The following CMIP variants were observed in gnomAD, a reference collection of about 807,000 sequenced individuals.
CMIP encodes c-Maf inducing protein.
Under a neutral mutation model 97.3 loss-of-function variants are expected in CMIP, and 13 were observed. The ratio of observed to expected loss-of-function variants is 0.13; its 90% CI spans 0.09 to 0.21. CMIP has a LOEUF of 0.21. CMIP is among the 10% of genes least tolerant of loss of function. The pLI, the probability that CMIP is intolerant of heterozygous loss-of-function variation, is 1.00. For missense variants in CMIP, 847 were observed against 1,024.9 expected (o/e 0.83, Z 2.37); for synonymous variants, 538 against 436.3 (o/e 1.23, Z -2.91).
intron 7 of CMIP, chr16:81,664,789 G>T: frequency 3.1e-6 from 1 of 322,564 alleles, no homozygotes. Context: ...TCAGCCAGGT[G>T]ATCAAGGTCA....
chr16:81,515,240 C>T lies in CMIP; in HGVS notation c.300+69699C>T, dbSNP rs535915077. 3.3e-5 allele frequency among the ~76,000 whole-genome samples: 5 copies of T among 152,330 alleles called. No homozygotes were observed. The South Asian group carries it at 1.0e-3, about 32-fold the overall frequency. ...CTCTAGGGCTGAAGGATTGACCGGGCAGGTGAGGCTGAACCCTCTCACCTG... is the reference window on the plus strand; with the variant it reads ...CTCTAGGGCTGAAGGATTGACCGGGTAGGTGAGGCTGAACCCTCTCACCTG... On this transcript the variant is annotated intron_variant, in intron 1 of 20. Coordinates refer to ENST00000537098, the MANE Select transcript of CMIP (RefSeq NM_198390.3).
intron 3 of CMIP, among the ~76,000 whole-genome samples, chr16:81,628,366 C>A (rs1413676574): frequency 6.6e-6 from 1 of 152,190 alleles, no homozygotes; most frequent in Non-Finnish European, 1.5e-5. Flanking sequence ...CCAGTTGCAC[C>A]CCAAGGCCTT....
At chr16:81,511,277 C>G (rs1300387809) in intron 1 of CMIP, among the ~76,000 whole-genome samples, 2 of 152,156 alleles carry the variant, frequency 1.3e-5, no homozygotes, top group African/African-American at 2.4e-5. Context: ...TAATACCATC[C>G]TCATGCCTAA....
At chr16:81,552,612 TG>T (rs1258166738) in intron 1 of CMIP, among the ~76,000 whole-genome samples, 1 of 152,198 alleles carries the variant, frequency 6.6e-6, no homozygotes, top group East Asian at 1.9e-4. Context: ...CCTCTTTCAT[TG>T]GGACCAACTC....
chr16:81,568,031 G>GTA, intron 1 of CMIP, among the ~76,000 whole-genome samples: 1 of 83,662 alleles, frequency 1.2e-5, no homozygotes, highest in Non-Finnish European at 2.6e-5. Flanking sequence ...TTCAGTGTGT[G>GTA]TGTGTGTGTT....
At chr16:81,458,637 G>A (rs1314062809) in intron 1 of CMIP, among the ~76,000 whole-genome samples, 1 of 152,192 alleles carries the variant, frequency 6.6e-6, no homozygotes, top group East Asian at 1.9e-4. Context: ...CTTGCAGGGA[G>A]GTGGAGGCGT....
chr16:81,455,641 C>A (rs1219096370), intron 1 of CMIP, among the ~76,000 whole-genome samples: 3 of 152,178 alleles, frequency 2.0e-5, no homozygotes, highest in African/African-American at 7.2e-5. Flanking sequence ...GTGCACACAG[C>A]CTTTCTCGGT....
rs573279158 is a variant in CMIP, at chr16:81,566,295, G to A, written c.301-41272G>A. 5.9e-5 allele frequency among the ~76,000 whole-genome samples: 9 copies of A among 152,322 alleles called. No individual in the cohort carries two copies. The East Asian group carries it at 1.5e-3, about 26-fold the overall frequency. On this transcript the variant is annotated intron_variant, in intron 1 of 20. Transcript: ENST00000537098. ...GTGTTTGCTCAGCCTACCAGGCCCCGTACCTGGTCTCCCAGCCTCCTGGGG... is the reference window on the plus strand; with the variant it reads ...GTGTTTGCTCAGCCTACCAGGCCCCATACCTGGTCTCCCAGCCTCCTGGGG...
intron 1 of CMIP, among the ~76,000 whole-genome samples, chr16:81,509,249 G>A (rs1034121052): frequency 8.5e-5 from 13 of 152,230 alleles, no homozygotes; most frequent in African/African-American, 2.4e-4. Context: ...CTATAGATGC[G>A]CAAGCAGGTG....
intron 1 of CMIP, among the ~76,000 whole-genome samples, chr16:81,539,666 C>T (rs988041365): frequency 3.9e-5 from 6 of 152,188 alleles, no homozygotes; most frequent in South Asian, 2.1e-4. Flanking sequence ...TCAGCTGGAG[C>T]CTCCTCCCTA....
chr16:81,510,175 A>ACCCTCTTTGT (rs1451788070), intron 1 of CMIP, among the ~76,000 whole-genome samples: 3 of 152,060 alleles, frequency 2.0e-5, no homozygotes, highest in African/African-American at 4.8e-5. Context: ...CGGGGCTGCC[A>ACCCTCTTTGT]CCCTCTTTGT....
At chr16:81,699,588 G>T in intron 14 of CMIP, 97 bp from the exon 15 acceptor site, 1 of 740,446 alleles carries the variant, frequency 1.4e-6, no homozygotes. Context: ...CGTGTAGGCA[G>T]GTCTGTTCAA....
chr16:81,590,709 T>G (rs1370602594), intron 1 of CMIP, among the ~76,000 whole-genome samples: 2 of 152,210 alleles, frequency 1.3e-5, no homozygotes, highest in East Asian at 3.8e-4. Flanking sequence ...TAGGACCCAG[T>G]CCTGGCGTAA....
intron 3 of CMIP, among the ~76,000 whole-genome samples, chr16:81,649,442 G>C (rs2092402515): frequency 6.6e-6 from 1 of 152,254 alleles, no homozygotes; most frequent in Non-Finnish European, 1.5e-5. Context: ...TGCATCTTGA[G>C]TGGCATCTGT....
intron 2 of CMIP, among the ~76,000 whole-genome samples, chr16:81,615,622 G>A (rs1359486154): frequency 6.8e-5 from 10 of 146,312 alleles, no homozygotes; most frequent in Non-Finnish European, 3.0e-5. Flanking sequence ...TGTGTGGTGT[G>A]TGTGTATGTG....
chr16:81,674,976 A>C (rs1344291912), intron 9 of CMIP, among the ~76,000 whole-genome samples: 1 of 152,180 alleles, frequency 6.6e-6, no homozygotes, highest in African/African-American at 2.4e-5. Flanking sequence ...GAAAGAAAGA[A>C]AGAAAGAAAG....
chr16:81,668,598 G>A (rs1335807761), intron 7 of CMIP, among the ~76,000 whole-genome samples: 3 of 152,112 alleles, frequency 2.0e-5, no homozygotes, highest in East Asian at 1.9e-4. Flanking sequence ...ACAGAGCCCC[G>A]CAGTGGACAC....
intron 1 of CMIP, among the ~76,000 whole-genome samples, chr16:81,511,780 T>A (rs1384300067): frequency 6.6e-6 from 1 of 152,204 alleles, no homozygotes; most frequent in African/African-American, 2.4e-5. Flanking sequence ...CAGGCTGGTC[T>A]CGAACTCCTG....
chr16:81,468,043 T>C (rs991858161), intron 1 of CMIP, among the ~76,000 whole-genome samples: 1 of 152,100 alleles, frequency 6.6e-6, no homozygotes, highest in Non-Finnish European at 1.5e-5. Flanking sequence ...TGCACCACCA[T>C]GCCCGGCCCT....
Sources: allele counts gnomAD v4.1 joint callset (sites outside exome capture counted in the v4.1 genomes callset), GRCh38; gene constraint gnomAD v4.1.1; transcripts MANE v1.5; gene names NCBI Gene and HGNC (gene_info 2026-07-23, HGNC 2026-07-21).